Variants in ARL15 observed in about 807,000 individuals in gnomAD.
The protein encoded by ARL15 is ARF like GTPase 15.
In ARL15, 19 loss-of-function variants were observed where a neutral mutation model predicts 25.2. The ratio of observed to expected loss-of-function variants is 0.75; its 90% CI spans 0.53 to 1.10. The LOEUF (loss-of-function observed/expected upper bound fraction) is 1.10, where lower values mean the gene tolerates loss of function less well. ARL15 is among the 50% of genes least tolerant of loss of function. The probability of loss-of-function intolerance (pLI) is 0.00; values close to 1 mark genes in which losing one functional copy is unlikely to be tolerated. For synonymous variants in ARL15, 94 were observed against 86.8 expected (o/e 1.08, Z -0.46); for missense variants, 220 against 246.0 (o/e 0.89, Z 0.71).
intron 1 of ARL15, among the ~76,000 whole-genome samples, chr5:54,306,066 T>A (rs1232467843): frequency 6.6e-6 from 1 of 152,156 alleles, no homozygotes; most frequent in Non-Finnish European, 1.5e-5. Context: ...TGCCACAGGT[T>A]CCTCTAGAGC....
At chr5:53,926,938 A>T (rs1275032187) in intron 4 of ARL15, among the ~76,000 whole-genome samples, 2 of 149,398 alleles carry the variant, frequency 1.3e-5, no homozygotes, top group East Asian at 1.9e-4. Context: ...AGTCACCAAG[A>T]CCTTTTTTTT....
chr5:54,218,343 G>T (rs555922912), intron 1 of ARL15, among the ~76,000 whole-genome samples: 2 of 152,038 alleles, frequency 1.3e-5, no homozygotes, highest in Admixed American at 1.3e-4. Flanking sequence ...CCGAGAAGAC[G>T]GCTATGCCTA....
intron 4 of ARL15, among the ~76,000 whole-genome samples, chr5:54,038,989 T>C (rs1011430513): frequency 1.3e-5 from 2 of 152,186 alleles, no homozygotes; most frequent in African/African-American, 4.8e-5. Flanking sequence ...TACTCCAAGA[T>C]GCAATAAAGT....
At chr5:54,086,006 C>A (rs1036370496) in intron 4 of ARL15, among the ~76,000 whole-genome samples, 1 of 151,970 alleles carries the variant, frequency 6.6e-6, no homozygotes, top group African/African-American at 2.4e-5. Context: ...CCTCCCTCTC[C>A]TGGGTTCAAG....
At chr5:54,126,009 C>T (rs534986057) in intron 3 of ARL15, among the ~76,000 whole-genome samples, 29 of 152,164 alleles carry the variant, frequency 1.9e-4, no homozygotes, top group African/African-American at 6.7e-4. Context: ...CCATGTGTTG[C>T]GCTGTGCTGT....
At chr5:54,047,402 T>C (rs1174357679) in intron 4 of ARL15, among the ~76,000 whole-genome samples, 2 of 152,162 alleles carry the variant, frequency 1.3e-5, no homozygotes, top group Non-Finnish European at 2.9e-5. Flanking sequence ...CTACTGCATG[T>C]TTCATGTCTC....
At chr5:54,047,951 C>G (rs1224118872) in intron 4 of ARL15, 4 of 152,140 alleles carry the variant, frequency 2.6e-5, no homozygotes, top group African/African-American at 9.7e-5. Flanking sequence ...TTAGAAATTA[C>G]TTTAGGAAAG....
intron 4 of ARL15, among the ~76,000 whole-genome samples, chr5:54,049,947 T>G (rs1184796735): frequency 6.6e-6 from 1 of 152,158 alleles, no homozygotes; most frequent in Non-Finnish European, 1.5e-5. Flanking sequence ...GCAGACAAGT[T>G]TAAGCCACCA....
chr5:54,139,338 A>G (rs1203700341), intron 3 of ARL15, among the ~76,000 whole-genome samples: 1 of 152,242 alleles, frequency 6.6e-6, no homozygotes, highest in African/African-American at 2.4e-5. Flanking sequence ...AGCCATTAAA[A>G]AAGAACAGAA....
intron 4 of ARL15, among the ~76,000 whole-genome samples, chr5:54,057,212 T>C (rs1200771541): frequency 1.3e-5 from 2 of 152,200 alleles, no homozygotes; most frequent in Non-Finnish European, 2.9e-5. Context: ...GTTTATAAAA[T>C]TAATCATTGT....
At chr5:54,062,955 G>A (rs948315095) in intron 4 of ARL15, among the ~76,000 whole-genome samples, 2 of 152,222 alleles carry the variant, frequency 1.3e-5, no homozygotes, top group Non-Finnish European at 2.9e-5. Flanking sequence ...GTTTCAAGAA[G>A]TAGTTCCTCT....
intron 4 of ARL15, among the ~76,000 whole-genome samples, chr5:53,998,846 A>T (rs1440976088): frequency 6.6e-6 from 1 of 152,240 alleles, no homozygotes; most frequent in Non-Finnish European, 1.5e-5. Flanking sequence ...TGCCAATGAG[A>T]ACCAGGGCAA....
At chr5:54,220,323 G>A (rs1330538681) in intron 1 of ARL15, among the ~76,000 whole-genome samples, 1 of 151,948 alleles carries the variant, frequency 6.6e-6, no homozygotes, top group Admixed American at 6.6e-5. Flanking sequence ...CCCCACCTCT[G>A]TTTTGTTTGC....
chr5:54,024,016 T>C (rs545335627), intron 4 of ARL15, among the ~76,000 whole-genome samples: 1 of 152,366 alleles, frequency 6.6e-6, no homozygotes, highest in East Asian at 1.9e-4. Context: ...AAGAAGGGTA[T>C]ATAACCATCA....
chr5:54,214,963 C>T (rs958170666), intron 1 of ARL15, among the ~76,000 whole-genome samples: 1 of 152,094 alleles, frequency 6.6e-6, no homozygotes, highest in Admixed American at 6.5e-5. Flanking sequence ...GATCACGTTA[C>T]TCCAGAGTAA....
intron 1 of ARL15, among the ~76,000 whole-genome samples, chr5:54,183,271 A>G (rs1170298052): frequency 1.0e-5 from 1 of 99,834 alleles, no homozygotes; most frequent in African/African-American, 3.6e-5. Flanking sequence ...ATTCAGTATG[A>G]TATTGGCTGT....
chr5:54,303,774 A>AAAACG (rs1473742404), intron 1 of ARL15, among the ~76,000 whole-genome samples: 25 of 145,258 alleles, frequency 1.7e-4, no homozygotes, highest in Admixed American at 4.1e-4. Flanking sequence ...GGAGGGAAGA[A>AAAACG]AAACGAAACA....
intron 1 of ARL15, among the ~76,000 whole-genome samples, chr5:54,310,137 C>T (rs1260901847): frequency 1.3e-5 from 2 of 152,164 alleles, no homozygotes; most frequent in Non-Finnish European, 2.9e-5. Flanking sequence ...AAGCCGATCG[C>T]GGGCAGGGGA....
At chr5:53,888,273 A>T (rs911951900) in intron 4 of ARL15, among the ~76,000 whole-genome samples, 1 of 151,278 alleles carries the variant, frequency 6.6e-6, no homozygotes, top group Non-Finnish European at 1.5e-5. Flanking sequence ...TTATTTATTT[A>T]TTTTTTTATT....
Sources: gnomAD v4.1 joint callset for allele counts (sites outside exome capture counted in the v4.1 genomes callset) on GRCh38, gnomAD v4.1.1 for gene constraint, MANE v1.5 for transcripts, NCBI Gene and HGNC (gene_info 2026-07-23, HGNC 2026-07-21) for gene names.